Variants in DACH1 observed in about 807,000 individuals in gnomAD.
DACH1 encodes the protein dachshund homolog 1.
A neutral mutation model predicts 54.2 loss-of-function variants in DACH1; 12 were observed. That is an observed-to-expected ratio of 0.22 (90% CI 0.14 to 0.36). The LOEUF is 0.36. DACH1 is among the 10% of genes least tolerant of loss of function. The pLI is 1.00. For synonymous variants in DACH1, 386 were observed against 366.2 expected (o/e 1.05, Z -0.62); for missense variants, 805 against 929.8 (o/e 0.87, Z 1.75).
At chr13:71,624,604 A>G (rs1160689591) in intron 3 of DACH1, among the ~76,000 whole-genome samples, 1 of 151,784 alleles carries the variant, frequency 6.6e-6, no homozygotes, top group Non-Finnish European at 1.5e-5. Flanking sequence ...AGTTACCAAA[A>G]CAAACAAACA....
chr13:71,596,453 GT>G, intron 3 of DACH1, among the ~76,000 whole-genome samples: 1 of 152,094 alleles, frequency 6.6e-6, no homozygotes, highest in Admixed American at 6.6e-5. Flanking sequence ...GAAATGTCTG[GT>G]TTATATACAC....
intron 6 of DACH1, among the ~76,000 whole-genome samples, chr13:71,555,442 C>T (rs959636224): frequency 2.6e-5 from 4 of 151,776 alleles, no homozygotes; most frequent in Non-Finnish European, 5.9e-5. Flanking sequence ...CTCCAGGGTT[C>T]AAGCAATTCT....
chr13:71,798,884 C>T (rs9572793), intron 1 of DACH1, among the ~76,000 whole-genome samples: 25,606 of 151,894 alleles, frequency 0.17, 3,919 homozygotes, highest in East Asian at 0.82. Context: ...GGCCATAGGA[C>T]TTCAGATCCA....
intron 6 of DACH1, among the ~76,000 whole-genome samples, chr13:71,528,246 C>T (rs1484078507): frequency 1.3e-5 from 2 of 151,754 alleles, no homozygotes; most frequent in Admixed American, 6.6e-5. Flanking sequence ...ATGATCGTAC[C>T]GGGGAATATA....
intron 7 of DACH1, among the ~76,000 whole-genome samples, chr13:71,487,615 G>A (rs1334327007): frequency 6.6e-6 from 1 of 152,190 alleles, no homozygotes; most frequent in Admixed American, 6.5e-5. Flanking sequence ...GTTTTACACT[G>A]ATGAAACCCA....
chr13:71,779,254 CGTATATATGTGTATATATACGTATAT>C (rs1566495165), intron 1 of DACH1, among the ~76,000 whole-genome samples: 3 of 71,740 alleles, frequency 4.2e-5, no homozygotes, highest in African/African-American at 1.7e-4. Context: ...TACGTATATA[CGTATATATGTGTATATATACGTATAT>C]ACGTATATAT....
chr13:71,678,572 A>C (rs998006571), intron 2 of DACH1, among the ~76,000 whole-genome samples: 1 of 152,104 alleles, frequency 6.6e-6, no homozygotes, highest in African/African-American at 2.4e-5. Context: ...TCTACAGGGC[A>C]CTAAACTAAC....
At chr13:71,614,605 G>C (rs1875612220) in intron 3 of DACH1, among the ~76,000 whole-genome samples, 1 of 152,100 alleles carries the variant, frequency 6.6e-6, no homozygotes, top group Non-Finnish European at 1.5e-5. Flanking sequence ...AGTAATCCTA[G>C]CACTTTGGGA....
chr13:71,466,422 A>G (rs968206819), intron 10 of DACH1, among the ~76,000 whole-genome samples: 2 of 152,130 alleles, frequency 1.3e-5, no homozygotes, highest in Admixed American at 6.6e-5. Flanking sequence ...ATTTAGTTGC[A>G]CGATGTCTAC....
intron 10 of DACH1, among the ~76,000 whole-genome samples, chr13:71,448,405 T>C (rs911978832): frequency 6.6e-6 from 1 of 152,218 alleles, no homozygotes; most frequent in Non-Finnish European, 1.5e-5. Context: ...ATTCATGTGA[T>C]ATTTGATAAG....
At chr13:71,865,506 G>T (rs960853076) in intron 1 of DACH1, among the ~76,000 whole-genome samples, 2 of 152,162 alleles carry the variant, frequency 1.3e-5, no homozygotes, top group Non-Finnish European at 2.9e-5. Flanking sequence ...GGCTGGCCGT[G>T]GAACCCAGGT....
intron 1 of DACH1, among the ~76,000 whole-genome samples, chr13:71,853,022 C>A (rs1873772009): frequency 6.6e-6 from 1 of 152,090 alleles, no homozygotes; most frequent in Non-Finnish European, 1.5e-5. Flanking sequence ...TCTTTTCATC[C>A]TTGGGGCAAT....
intron 6 of DACH1, among the ~76,000 whole-genome samples, chr13:71,521,052 T>C (rs1881563034): frequency 6.6e-6 from 1 of 152,040 alleles, no homozygotes; most frequent in African/African-American, 2.4e-5. Context: ...GCAAAGAGCA[T>C]GGGCTCTGGA....
chr13:71,605,384 A>G (rs1373407165), intron 3 of DACH1, among the ~76,000 whole-genome samples: 1 of 151,802 alleles, frequency 6.6e-6, no homozygotes, highest in Non-Finnish European at 1.5e-5. Flanking sequence ...TGTTATTTTT[A>G]ATATCAAAAG....
chr13:71,595,786 G>C, intron 3 of DACH1, among the ~76,000 whole-genome samples: 1 of 152,066 alleles, frequency 6.6e-6, no homozygotes, highest in Non-Finnish European at 1.5e-5. Flanking sequence ...CCTTAGGAGA[G>C]CACAAACCCC....
chr13:71,548,320 A>AGAT (rs1356463466), intron 6 of DACH1, among the ~76,000 whole-genome samples: 12 of 152,180 alleles, frequency 7.9e-5, no homozygotes, highest in African/African-American at 2.9e-4. Context: ...ATGCAGTTTC[A>AGAT]GATATTCTAT....
chr13:71,576,491 C>T (rs1032345852), intron 3 of DACH1, among the ~76,000 whole-genome samples: 4 of 152,090 alleles, frequency 2.6e-5, no homozygotes, highest in African/African-American at 9.7e-5. Context: ...TTTTCCTTGG[C>T]TCACCCTCAC....
At chr13:71,544,751 C>T (rs1883350120) in intron 6 of DACH1, among the ~76,000 whole-genome samples, 1 of 151,868 alleles carries the variant, frequency 6.6e-6, no homozygotes, top group African/African-American at 2.4e-5. Flanking sequence ...TAATATAGAC[C>T]CCACCACATA....
intron 2 of DACH1, among the ~76,000 whole-genome samples, chr13:71,651,376 A>G (rs1878652923): frequency 6.6e-6 from 1 of 151,872 alleles, no homozygotes; most frequent in Non-Finnish European, 1.5e-5. Flanking sequence ...TCACAAAAAA[A>G]AAAAAGAAAG....
Sources: allele counts gnomAD v4.1 joint callset (sites outside exome capture counted in the v4.1 genomes callset), GRCh38; gene constraint gnomAD v4.1.1; transcripts MANE v1.5; gene names NCBI Gene and HGNC (gene_info 2026-07-23, HGNC 2026-07-21).